Variants in PSD3 observed in about 807,000 individuals in gnomAD.
PSD3 encodes the protein PH and SEC7 domain-containing protein 3.
A neutral mutation model predicts 105.5 loss-of-function variants in PSD3; 49 were observed. The observed-to-expected ratio is 0.46, with a 90% CI of 0.37 to 0.59. The LOEUF is 0.59. PSD3 is among the 20% of genes least tolerant of loss of function. The pLI, the probability that PSD3 is intolerant of heterozygous loss-of-function variation, is 0.00. For missense variants in PSD3, 1,561 were observed against 1,263.8 expected (o/e 1.24, Z -3.57); for synonymous variants, 557 against 457.8 (o/e 1.22, Z -2.77).
intron 4 of PSD3, among the ~76,000 whole-genome samples, chr8:18,857,841 AT>A (rs1816139423): frequency 2.0e-5 from 3 of 152,148 alleles, no homozygotes; most frequent in Non-Finnish European, 4.4e-5. Flanking sequence ...AGTGTGTGTG[AT>A]TTTTAAGGCT....
chr8:18,929,956 T>G (rs907970867), intron 2 of PSD3, among the ~76,000 whole-genome samples: 4 of 152,144 alleles, frequency 2.6e-5, no homozygotes, highest in Admixed American at 6.5e-5. Context: ...AAAATGTTGT[T>G]AGAAAGAGTG....
chr8:18,590,414 G>A (rs1444406847), intron 12 of PSD3, among the ~76,000 whole-genome samples: 1 of 151,896 alleles, frequency 6.6e-6, no homozygotes, highest in Admixed American at 6.6e-5. Context: ...ATGTGTTCGT[G>A]GACAAACACC....
At chr8:18,656,810 C>G (rs1808930768) in intron 9 of PSD3, among the ~76,000 whole-genome samples, 1 of 152,244 alleles carries the variant, frequency 6.6e-6, no homozygotes, top group Admixed American at 6.5e-5. Context: ...GCCTCAAACT[C>G]CAGGGCTCAA....
At chr8:18,984,813 T>G (rs1292784212) in intron 1 of PSD3, among the ~76,000 whole-genome samples, 1 of 152,202 alleles carries the variant, frequency 6.6e-6, no homozygotes, top group Non-Finnish European at 1.5e-5. Context: ...CAAGCTGCAG[T>G]GCACAAGGCA....
rs907384608 is a variant in PSD3, at chr8:18,690,665, C to A, written c.2173-34980G>T. On this transcript the variant is annotated intron_variant, in intron 9 of 15. Coordinates refer to ENST00000327040, the MANE Select transcript of PSD3 (RefSeq NM_015310.4). Reference sequence around the variant, plus strand: ...CTGCCATGTGTCACTAACCTACCACCTTGATGGACACACCACCGCTTTCCT... The same window carrying A: ...CTGCCATGTGTCACTAACCTACCACATTGATGGACACACCACCGCTTTCCT... Among the ~76,000 whole-genome samples, 5 of 152,186 alleles carry A rather than the reference C, an allele frequency of 3.3e-5. No individual in the cohort carries two copies. In the East Asian group the frequency reaches 7.7e-4, roughly 23 times the overall value.
chr8:18,557,015 C>T (rs1478792465), intron 14 of PSD3, among the ~76,000 whole-genome samples: 8 of 152,150 alleles, frequency 5.3e-5, no homozygotes, highest in Admixed American at 5.2e-4. Flanking sequence ...ATTATAGGTA[C>T]CGTGTACCAA....
intron 1 of PSD3, among the ~76,000 whole-genome samples, chr8:18,970,056 G>GTT (rs1554556185): frequency 1.3e-5 from 2 of 151,724 alleles, no homozygotes; most frequent in East Asian, 3.9e-4. Context: ...GGCCAGGTGC[G>GTT]GGCTCACACC....
intron 1 of PSD3, among the ~76,000 whole-genome samples, chr8:18,937,853 C>T (rs527918027): frequency 1.3e-5 from 2 of 152,122 alleles, no homozygotes; most frequent in East Asian, 1.9e-4. Flanking sequence ...GAGAAACTAA[C>T]GCCTGCAGAG....
intron 15 of PSD3, among the ~76,000 whole-genome samples, chr8:18,549,746 T>G (rs1800655965): frequency 6.6e-6 from 1 of 152,248 alleles, no homozygotes; most frequent in South Asian, 2.1e-4. Context: ...TTACATTTAT[T>G]TCTAATGGAA....
chr8:19,048,294 C>T (rs1186588268), intron 1 of PSD3, among the ~76,000 whole-genome samples: 1 of 152,184 alleles, frequency 6.6e-6, no homozygotes, highest in African/African-American at 2.4e-5. Context: ...GACATATCAA[C>T]TCGGTGGTTA....
chr8:18,773,838 G>T (rs904243428), intron 8 of PSD3, among the ~76,000 whole-genome samples: 3 of 152,314 alleles, frequency 2.0e-5, no homozygotes, highest in Non-Finnish European at 2.9e-5. Context: ...CTGAAGATCA[G>T]TTTGGAGAGT....
chr8:19,040,524 G>C (rs1295530768), intron 1 of PSD3, among the ~76,000 whole-genome samples: 2 of 152,154 alleles, frequency 1.3e-5, no homozygotes, highest in African/African-American at 2.4e-5. Flanking sequence ...GATTTTAACT[G>C]TGATGAGATA....
chr8:18,958,915 T>C (rs1417267226), intron 1 of PSD3, among the ~76,000 whole-genome samples: 2 of 112,992 alleles, frequency 1.8e-5, no homozygotes, highest in Admixed American at 8.6e-5. Flanking sequence ...AGGAGTTAAG[T>C]GGTGTTTTTT....
upstream of PSD3, among the ~76,000 whole-genome samples, chr8:19,015,357 G>A (rs886445958): frequency 2.6e-5 from 4 of 152,100 alleles, no homozygotes; most frequent in Admixed American, 6.5e-5. Context: ...CCCAGTCTCC[G>A]GTGTGTCTTT....
At chr8:18,955,969 T>C (rs113933992) in intron 1 of PSD3, among the ~76,000 whole-genome samples, 7 of 152,012 alleles carry the variant, frequency 4.6e-5, no homozygotes, top group South Asian at 4.2e-4. Flanking sequence ...AGTTTCACCA[T>C]GTTGGCCAGG....
At chr8:18,659,765 C>G (rs1276923181) in intron 9 of PSD3, among the ~76,000 whole-genome samples, 1 of 152,200 alleles carries the variant, frequency 6.6e-6, no homozygotes, top group African/African-American at 2.4e-5. Context: ...TGCACTGATC[C>G]TATACTCTTA....
intron 14 of PSD3, among the ~76,000 whole-genome samples, chr8:18,569,522 A>C (rs1204824898): frequency 7.2e-6 from 1 of 139,026 alleles, no homozygotes. Flanking sequence ...AAAGAGAATA[A>C]AATACCTAGG....
In PSD3 at chr8:18,639,128, T is replaced by C. The variant is rs75966787; in HGVS notation, c.2217-6322A>G. Reference sequence around the variant, plus strand: ...CCAGAATATTGTTATCAAGTCCCACTCTCTTCCTTGCATCCCAAGAGAGGG... The same window carrying C: ...CCAGAATATTGTTATCAAGTCCCACCCTCTTCCTTGCATCCCAAGAGAGGG... On this transcript the variant is annotated intron_variant, in intron 10 of 15. Coordinates refer to ENST00000327040, the MANE Select transcript of PSD3 (RefSeq NM_015310.4). Among the ~76,000 whole-genome samples, 213 of 152,278 alleles carry C rather than the reference T, an allele frequency of 1.4e-3. 1 individual carries two copies. The East Asian group carries it at 0.036, about 26-fold the overall frequency.
At chr8:19,050,338 G>A (rs958612425) in intron 1 of PSD3, among the ~76,000 whole-genome samples, 2 of 152,128 alleles carry the variant, frequency 1.3e-5, no homozygotes, top group East Asian at 3.9e-4. Context: ...ATGGCTAAGA[G>A]GCTTAGAAAA....
Sources: gnomAD v4.1 joint callset for allele counts (sites outside exome capture counted in the v4.1 genomes callset) on GRCh38, gnomAD v4.1.1 for gene constraint, MANE v1.5 for transcripts, NCBI Gene and HGNC (gene_info 2026-07-23, HGNC 2026-07-21) for gene names.